The following DOP1A variants were observed in gnomAD, a reference collection of about 807,000 sequenced individuals.
DOP1A encodes the protein DOP1 leucine zipper like protein A, also known as protein DOP1A.
In DOP1A, 90 loss-of-function variants were observed where a neutral mutation model predicts 267.6. The ratio of observed to expected loss-of-function variants is 0.34; its 90% CI spans 0.28 to 0.40. DOP1A has a LOEUF of 0.40. Among genes scored for constraint, DOP1A ranks in the 10% least tolerant of loss-of-function variants. The pLI, the probability that DOP1A is intolerant of heterozygous loss-of-function variation, is 1.00. For synonymous variants in DOP1A, 932 were observed against 999.1 expected, an observed-to-expected ratio of 0.93 and a Z score of 1.27; for missense variants, 2,437 against 2,900.4, an observed-to-expected ratio of 0.84 and a Z score of 3.67.
chr6:83,169,492 G>C, downstream of DOP1A: 2 of 743,624 alleles, frequency 2.7e-6, no homozygotes, highest in East Asian at 2.8e-5. Flanking sequence ...AAATTCCAAA[G>C]CCCTTAAATA....
chr6:83,162,712 TCTA>T, intron 37 of DOP1A, 75 bp from the exon 38 acceptor site: 2 of 1,471,520 alleles, frequency 1.4e-6, no homozygotes, highest in Non-Finnish European at 1.8e-6. Context: ...TCATGATCTT[TCTA>T]CTACATTATG....
Position 83,164,349 on chromosome 6 carries a change from G to A in DOP1A, c.7092+1430G>A, listed in dbSNP as rs554321855. 9.2e-5 allele frequency among the ~76,000 whole-genome samples: 14 copies of A among 151,692 alleles called. No homozygotes were observed. The East Asian group carries it at 2.7e-3, about 29-fold the overall frequency. On this transcript the variant is annotated intron_variant, in intron 38 of 38. Transcript: ENST00000349129. ...GTCCTGAGTTCAGGGTAGGACTTTG[G>A]TACTTTCAATTTGATATCTCAGAGT...
Position 83,113,311 on chromosome 6 carries a change from C to G in DOP1A, c.682-12C>G. ...TAATAGACAATAGATGTTAAAGATG[C>G]TGTTATTTCAGGTAGAAGCAGTAAG... is the stretch of plus-strand genomic sequence containing the variant. On this transcript the variant is annotated splice_polypyrimidine_tract_variant and intron_variant, in intron 6 of 38. Transcript: ENST00000349129. The G allele has an allele frequency of 6.2e-7, 1 of 1,605,306 alleles. No homozygotes were observed. The highest frequency in any genetic ancestry group is 8.5e-7 in the Non-Finnish European group (1 of 1,174,036).
At chr6:83,102,930 A>C (rs1337280581) in intron 4 of DOP1A, among the ~76,000 whole-genome samples, 1 of 151,874 alleles carries the variant, frequency 6.6e-6, no homozygotes, top group Non-Finnish European at 1.5e-5. Context: ...GCTTATTATT[A>C]CTCATTTTCT....
intron 33 of DOP1A, 160 bp downstream of exon 33, chr6:83,154,401 C>G (rs552386724): frequency 1.6e-6 from 1 of 622,192 alleles, no homozygotes; most frequent in South Asian, 2.0e-5. Flanking sequence ...ACTTTCTGTA[C>G]GCTATGGGAA....
At chr6:83,080,924 C>A (rs992577277) in intron 1 of DOP1A, among the ~76,000 whole-genome samples, 8 of 151,948 alleles carry the variant, frequency 5.3e-5, no homozygotes, top group African/African-American at 1.9e-4. Flanking sequence ...TTTGTGGAAC[C>A]ACAAAAGACC....
At position 83,140,028 on chromosome 6, in the gene DOP1A, C is replaced by G; in HGVS notation, c.5149C>G (p.Pro1717Ala). The change falls in exon 22 of 39, where the codon CCA (proline) becomes GCA (alanine). Residue 1717 changes from proline (P) to alanine (A), a missense_variant. Transcript: ENST00000349129. ...RPLWMASIIP[P>A]DMILTLLEGI... is the part of the protein sequence containing the mutation. ...TCTGTGGATGGCATCAATTATTCCACCAGATATGATTCTTACTCTTTTGGA... is the reference window on the plus strand; with the variant it reads ...TCTGTGGATGGCATCAATTATTCCAGCAGATATGATTCTTACTCTTTTGGA... 2 of 1,613,388 alleles carry G rather than the reference C, an allele frequency of 1.2e-6. No homozygotes were observed. The highest frequency in any genetic ancestry group is 1.1e-5 in the South Asian group (1 of 91,032).
In DOP1A at chr6:83,157,266, G is replaced by C. The variant is rs765548993; in HGVS notation, c.6689G>C (p.Arg2230Thr). 2.5e-6 allele frequency: 4 copies of C among 1,613,922 alleles called. 1 individual carries two copies. Among genetic ancestry groups the C allele is most frequent in the Non-Finnish European group, 3.4e-6 (4 of 1,179,908 alleles). ...CTGTTTTTCAGAGTGTTACTTTTAA[G>C]AATGTCTCCCCAACATCTTACCTCA... ...VFLFFRVLLL[R>T]MSPQHLTSLW... The change falls in exon 35 of 39, where the codon AGA (arginine) becomes ACA (threonine). Residue 2230 changes from arginine (R) to threonine (T), a missense_variant. Arg to Thr is a moderately conservative substitution (Grantham distance 71). This residue lies in a region of DOP1A where 75 missense variants were observed against 149.6 expected (regional missense o/e 0.50). Coordinates refer to ENST00000349129, the MANE Select transcript of DOP1A (RefSeq NM_015018.4).
At chr6:83,160,247 C>T (rs1032947893) in intron 37 of DOP1A, among the ~76,000 whole-genome samples, 2 of 152,172 alleles carry the variant, frequency 1.3e-5, no homozygotes, top group African/African-American at 4.8e-5. Flanking sequence ...ACTATGGTGG[C>T]TCATGCACAA....
chr6:83,125,052 G>A, intron 13 of DOP1A, 114 bp from the exon 14 acceptor site: 2 of 993,682 alleles, frequency 2.0e-6, no homozygotes, highest in South Asian at 3.0e-5. Context: ...ACTGTTTAGT[G>A]TATAGTGGTC....
At chr6:83,146,843 T>A (rs575535663) in intron 25 of DOP1A, among the ~76,000 whole-genome samples, 1 of 152,318 alleles carries the variant, frequency 6.6e-6, no homozygotes, top group Admixed American at 6.5e-5. Flanking sequence ...TGAACAGATA[T>A]GTGTAATAAG....
chr6:83,074,825 C>T (rs1766775159), intron 1 of DOP1A, among the ~76,000 whole-genome samples: 1 of 152,190 alleles, frequency 6.6e-6, no homozygotes, highest in Non-Finnish European at 1.5e-5. Flanking sequence ...AATCCCAACA[C>T]TTTGGAAGGC....
At chr6:83,163,126 G>T (rs966622033) in intron 38 of DOP1A, among the ~76,000 whole-genome samples, 5 of 152,090 alleles carry the variant, frequency 3.3e-5, no homozygotes, top group Admixed American at 3.3e-4. Context: ...GGAATATGCG[G>T]TTATTCATTT....
chr6:83,148,141 C>T (rs1443365710), intron 26 of DOP1A, among the ~76,000 whole-genome samples: 5 of 152,102 alleles, frequency 3.3e-5, no homozygotes, highest in Admixed American at 2.0e-4. Flanking sequence ...AGGCTAGGGG[C>T]GGTGACTCTC....
intron 1 of DOP1A, among the ~76,000 whole-genome samples, chr6:83,089,358 A>G (rs932911198): frequency 6.6e-6 from 1 of 152,218 alleles, no homozygotes; most frequent in Non-Finnish European, 1.5e-5. Context: ...ACTACCTACT[A>G]ATTTTTTCAT....
At chr6:83,154,729 C>T (rs1782398159) in intron 33 of DOP1A, among the ~76,000 whole-genome samples, 2 of 151,928 alleles carry the variant, frequency 1.3e-5, no homozygotes, top group South Asian at 4.2e-4. Context: ...GGCAGAATCA[C>T]CCCCCACCCC....
intron 17 of DOP1A, among the ~76,000 whole-genome samples, chr6:83,131,310 C>T (rs775929402): frequency 1.3e-5 from 2 of 152,014 alleles, no homozygotes; most frequent in Admixed American, 6.6e-5. Flanking sequence ...ATATTTCCTC[C>T]TGCTAGATTA....
intron 38 of DOP1A, chr6:83,164,798 C>T (rs1055869712): frequency 9.4e-6 from 11 of 1,173,306 alleles, no homozygotes; most frequent in Non-Finnish European, 1.2e-5. Flanking sequence ...GTCTGAATGT[C>T]AACAAGTACA....
At chr6:83,095,423 T>G (rs1231227615) in intron 1 of DOP1A, among the ~76,000 whole-genome samples, 2 of 152,190 alleles carry the variant, frequency 1.3e-5, no homozygotes, top group African/African-American at 4.8e-5. Flanking sequence ...TATCCCAAAC[T>G]ACTTGTTGGA....
Sources: allele counts gnomAD v4.1 joint callset (sites outside exome capture counted in the v4.1 genomes callset), GRCh38; gene constraint gnomAD v4.1.1; regional missense constraint gnomAD v4.1.1; transcripts MANE v1.5; gene names NCBI Gene and HGNC (gene_info 2026-07-23, HGNC 2026-07-21).